Variants in COL5A2 observed in about 807,000 individuals in gnomAD.
COL5A2 encodes collagen type V alpha 2 chain, also known as collagen alpha-2(V) chain.
In COL5A2, 23 loss-of-function variants were observed where a neutral mutation model predicts 208.2. The ratio of observed to expected loss-of-function variants is 0.11; its 90% CI spans 0.08 to 0.16. The LOEUF (loss-of-function observed/expected upper bound fraction) is 0.16, where lower values mean the gene tolerates loss of function less well. Ranked by LOEUF, COL5A2 falls within the 10% of genes least tolerant of loss-of-function variation. COL5A2 has a pLI of 1.00. For synonymous variants in COL5A2, 625 were observed against 628.5 expected (o/e 0.99, Z 0.08); for missense variants, 1,590 against 1,956.4 (o/e 0.81, Z 3.53).
At chr2:189,367,939 A>G in the COL5A2 span, among the ~76,000 whole-genome samples, 1 of 152,128 alleles carries the variant, frequency 6.6e-6, no homozygotes, top group Admixed American at 6.5e-5. Context: ...TTTTTAAGCA[A>G]TCTAGATTTT....
At chr2:189,262,999 G>T in the COL5A2 span, among the ~76,000 whole-genome samples, 4 of 152,052 alleles carry the variant, frequency 2.6e-5, no homozygotes, top group East Asian at 7.7e-4. Flanking sequence ...GAAAATAATT[G>T]GTGTTTGCAT....
chr2:189,438,784 G>A, the COL5A2 span, among the ~76,000 whole-genome samples: 1 of 152,160 alleles, frequency 6.6e-6, no homozygotes, highest in African/African-American at 2.4e-5. Flanking sequence ...AAAGAAAGCA[G>A]ATTTTATTGT....
At chr2:189,189,988 G>A (rs1688903294) in intron 1 of COL5A2, among the ~76,000 whole-genome samples, 1 of 152,110 alleles carries the variant, frequency 6.6e-6, no homozygotes, top group Admixed American at 6.6e-5. Flanking sequence ...AAAAGTTGGT[G>A]AAAGAGCAAT....
At chr2:189,223,966 T>A (rs1358692508) in intron 1 of COL5A2, among the ~76,000 whole-genome samples, 1 of 152,122 alleles carries the variant, frequency 6.6e-6, no homozygotes, top group African/African-American at 2.4e-5. Context: ...AATAAAAAGT[T>A]CAGTTAAGAA....
At chr2:189,315,933 T>C in the COL5A2 span, among the ~76,000 whole-genome samples, 959 of 152,238 alleles carry the variant, frequency 6.3e-3, 11 homozygotes, top group African/African-American at 0.021. Context: ...ATTTAATAAA[T>C]GACTTTTTAA....
the COL5A2 span, among the ~76,000 whole-genome samples, chr2:189,290,367 G>A: frequency 6.6e-6 from 1 of 152,130 alleles, no homozygotes; most frequent in Non-Finnish European, 1.5e-5. Context: ...TGAATAATTT[G>A]ACAAAGAAGT....
chr2:189,149,591 T>C (rs2138374), intron 1 of COL5A2, among the ~76,000 whole-genome samples: 90,656 of 152,056 alleles, frequency 0.6, 28,540 homozygotes, highest in East Asian at 0.78. Flanking sequence ...AAGTCACATA[T>C]GAAAAAGGTT....
At chr2:189,398,313 G>C in the COL5A2 span, among the ~76,000 whole-genome samples, 1 of 152,028 alleles carries the variant, frequency 6.6e-6, no homozygotes, top group African/African-American at 2.4e-5. Flanking sequence ...GTTTGCTATT[G>C]CTCAAATCTT....
At chr2:189,347,477 T>C in the COL5A2 span, among the ~76,000 whole-genome samples, 1 of 152,194 alleles carries the variant, frequency 6.6e-6, no homozygotes, top group Non-Finnish European at 1.5e-5. Context: ...AAAAGTTCTA[T>C]ATAATTAAAT....
the COL5A2 span, among the ~76,000 whole-genome samples, chr2:189,404,908 T>C: frequency 3.3e-5 from 5 of 152,202 alleles, no homozygotes. Context: ...CACTCTCCTG[T>C]TGAGGGACAT....
intron 25 of COL5A2, 74 bp from the exon 26 acceptor site, chr2:189,064,107 G>C: frequency 8.1e-7 from 1 of 1,239,302 alleles, no homozygotes; most frequent in East Asian, 2.4e-5. Context: ...AGTAAAAATA[G>C]TGTTGCATTT....
the COL5A2 span, among the ~76,000 whole-genome samples, chr2:189,412,062 C>G: frequency 1.3e-5 from 2 of 152,112 alleles, no homozygotes; most frequent in African/African-American, 4.8e-5. Flanking sequence ...AGTTTACATA[C>G]TTTAAGTATG....
chr2:189,126,913 A>G (rs1479954912), intron 1 of COL5A2, among the ~76,000 whole-genome samples: 1 of 152,082 alleles, frequency 6.6e-6, no homozygotes, highest in Admixed American at 6.6e-5. Context: ...AGGTGCCAAA[A>G]CTGAACAAAA....
At chr2:189,385,912 G>A in the COL5A2 span, among the ~76,000 whole-genome samples, 1 of 152,160 alleles carries the variant, frequency 6.6e-6, no homozygotes, top group African/African-American at 2.4e-5. Context: ...AATTTATAAA[G>A]GAAGAGATTT....
At chr2:189,193,804 G>C (rs1688960896) in intron 1 of COL5A2, among the ~76,000 whole-genome samples, 1 of 152,106 alleles carries the variant, frequency 6.6e-6, no homozygotes, top group Admixed American at 6.6e-5. Context: ...TCCTTTTCCA[G>C]CTACAAATCT....
At chr2:189,088,801 C>G in intron 7 of COL5A2, 29 bp from the exon 8 acceptor site, 1 of 1,578,308 alleles carries the variant, frequency 6.3e-7, no homozygotes, top group Non-Finnish European at 8.7e-7. Context: ...GACATTATTT[C>G]TACAGTAAAA....
intron 8 of COL5A2, among the ~76,000 whole-genome samples, chr2:189,087,473 A>AT (rs979067174): frequency 2.0e-5 from 3 of 150,658 alleles, no homozygotes; most frequent in East Asian, 1.9e-4. Context: ...TTCTTTTTGG[A>AT]TTTTTTTTTA....
At chr2:189,078,931 C>A (rs1017797299) in intron 15 of COL5A2, 132 bp downstream of exon 15, 26 of 770,688 alleles carry the variant, frequency 3.4e-5, no homozygotes, top group Non-Finnish European at 2.0e-5. Flanking sequence ...AGCTGGTAAT[C>A]AAGATTATTT....
chr2:189,057,290 G>GAAA (rs34715449), intron 34 of COL5A2, 30 bp downstream of exon 34: 13,189 of 700,010 alleles, frequency 0.019, 55 homozygotes, highest in South Asian at 0.037. Flanking sequence ...TAAATGAACT[G>GAAA]AAAAAAAAAA....
Sources: allele counts gnomAD v4.1 joint callset (sites outside exome capture counted in the v4.1 genomes callset), GRCh38; gene constraint gnomAD v4.1.1; transcripts MANE v1.5; gene names NCBI Gene and HGNC (gene_info 2026-07-23, HGNC 2026-07-21).